FCRL2: variants seen among roughly 807,000 people sequenced by gnomAD.
FCRL2 encodes the protein Fc receptor like 2.
Under a neutral mutation model 59.8 loss-of-function variants are expected in FCRL2, and 48 were observed. That is an observed-to-expected ratio of 0.80 (90% CI 0.64 to 1.02). The LOEUF is 1.02. Ranked by LOEUF, FCRL2 falls within the 50% of genes least tolerant of loss-of-function variation. FCRL2 has a pLI of 0.00. For synonymous variants in FCRL2, 251 were observed against 229.5 expected, an observed-to-expected ratio of 1.09 and a Z score of -0.85; for missense variants, 658 against 597.3, an observed-to-expected ratio of 1.10 and a Z score of -1.06.
Position 157,768,650 on chromosome 1 carries a change from A to T in FCRL2, c.647T>A (p.Val216Glu). 2 of 1,613,992 alleles carry T rather than the reference A, an allele frequency of 1.2e-6. No homozygotes were observed. Among genetic ancestry groups the T allele is most frequent in the Non-Finnish European group, 1.7e-6 (2 of 1,179,970 alleles). The change falls in exon 5 of 12, where the codon GTG (valine) becomes GAG (glutamate). Residue 216 changes from valine (V) to glutamate (E), a missense_variant. Val to Glu is a moderately radical substitution (Grantham distance 121, BLOSUM62 -2). Transcript: ENST00000361516. ...SLEIRAPGGQ[V>E]TEGQKLILLC... ...CAGGATCAGTTTTTGTCCTTCAGTC[A>T]CCTGTCCCCCGGGGGCCCGGATCTC...
chr1:157,766,369 G>A (rs921495259), intron 7 of FCRL2, among the ~76,000 whole-genome samples: 3 of 152,060 alleles, frequency 2.0e-5, no homozygotes, highest in African/African-American at 7.2e-5. Flanking sequence ...TACTCGGGAG[G>A]TTGAGGCAGG....
Position 157,748,603 on chromosome 1 carries a change from A to C in FCRL2, c.1409T>G (p.Val470Gly). The change falls in exon 10 of 12, where the codon GTG becomes GGG. Residue 470 changes from valine to glycine, a missense_variant. Coordinates refer to ENST00000361516, the MANE Select transcript of FCRL2 (RefSeq NM_030764.4). The stretch of plus-strand genomic sequence containing the variant: ...CCAGACCTGAGAATAAACCACATCC[A>C]CATCTACAGAGCCCACTGCAGGGAG... ...PVYVNVGSVDVDVVYSQVWSM... is the reference protein window; with the variant it reads ...PVYVNVGSVDGDVVYSQVWSM... The C allele has an allele frequency of 6.2e-7, 1 of 1,613,936 alleles. No individual in the cohort carries two copies. The highest frequency in any genetic ancestry group is 8.5e-7 in the Non-Finnish European group (1 of 1,179,836).
intron 6 of FCRL2, 63 bp from the exon 7 acceptor site, chr1:157,767,034 C>T (rs905042257): frequency 2.1e-6 from 3 of 1,439,654 alleles, no homozygotes; most frequent in East Asian, 2.3e-5. Context: ...CTTATAAATG[C>T]TATATAGGGA....
intron 7 of FCRL2, among the ~76,000 whole-genome samples, chr1:157,763,700 G>T (rs1167738856): frequency 6.6e-6 from 1 of 151,954 alleles, no homozygotes; most frequent in African/African-American, 2.4e-5. Flanking sequence ...CCAAAAATGA[G>T]CAGTAGCTAT....
At chr1:157,761,007 G>A (rs1649062842) in intron 7 of FCRL2, among the ~76,000 whole-genome samples, 1 of 152,198 alleles carries the variant, frequency 6.6e-6, no homozygotes, top group Non-Finnish European at 1.5e-5. Context: ...CTATGTGGAA[G>A]AAAATTAATG....
intron 7 of FCRL2, among the ~76,000 whole-genome samples, chr1:157,758,983 G>C (rs902598214): frequency 1.3e-5 from 2 of 152,154 alleles, no homozygotes; most frequent in Non-Finnish European, 2.9e-5. Flanking sequence ...ATTTGATATG[G>C]TTGGGCTGTG....
chr1:157,765,138 T>C (rs1571279196), intron 7 of FCRL2, among the ~76,000 whole-genome samples: 1 of 152,228 alleles, frequency 6.6e-6, no homozygotes, highest in East Asian at 1.9e-4. Context: ...ACATTGCAAC[T>C]GATATCAAAT....
Position 157,748,922 on chromosome 1 carries a change from G to T in FCRL2, c.1346C>A (p.Ser449Ter). ...SRPNPQEFTY[S>*]SPTPDMEELQ... The stretch of plus-strand genomic sequence containing the variant: ...CTCCTCCATGTCTGGGGTTGGGCTT[G>T]AATAGGTGAACTCTTGAGGATTTGG... The change falls in exon 9 of 12, where the codon TCA (serine) becomes TAA (stop). Residue 449 changes from serine (S) to a stop codon, truncating the protein, a stop_gained. Transcript: ENST00000361516. LOFTEE classifies it high-confidence loss of function. The T allele has an allele frequency of 6.2e-7, 1 of 1,613,968 alleles. No individual in the cohort carries two copies. Among genetic ancestry groups the T allele is most frequent in the Non-Finnish European group, 8.5e-7 (1 of 1,179,946 alleles).
chr1:157,767,550 C>T, intron 5 of FCRL2, 41 bp from the exon 6 acceptor site: 1 of 1,614,238 alleles, frequency 6.2e-7, no homozygotes, highest in Non-Finnish European at 8.5e-7. Flanking sequence ...ATTTGTGATG[C>T]CTCAATAGAT....
chr1:157,756,212 A>G (rs549209543), intron 7 of FCRL2, among the ~76,000 whole-genome samples: 1 of 152,364 alleles, frequency 6.6e-6, no homozygotes, highest in East Asian at 1.9e-4. Context: ...TTAATGATTT[A>G]GGGTATGGCT....
chr1:157,748,982 G>A (rs368182520), intron 8 of FCRL2, 22 bp from the exon 9 acceptor site: 59 of 1,600,624 alleles, frequency 3.7e-5, no homozygotes, highest in Non-Finnish European at 4.7e-5. Flanking sequence ...TGAATTAATT[G>A]TATGATAATC....
chr1:157,767,851 G>C, intron 5 of FCRL2: 1 of 624,442 alleles, frequency 1.6e-6, no homozygotes, highest in African/African-American at 1.9e-5. Flanking sequence ...TATTATAGTT[G>C]TTCCTGGGAA....
intron 2 of FCRL2, among the ~76,000 whole-genome samples, chr1:157,771,649 C>G (rs1315974068): frequency 6.6e-6 from 1 of 152,170 alleles, no homozygotes; most frequent in Non-Finnish European, 1.5e-5. Context: ...TTAGATTGGT[C>G]ACAGGTTCTC....
At chr1:157,775,514 C>T (rs1447472910) in intron 2 of FCRL2, among the ~76,000 whole-genome samples, 1 of 152,202 alleles carries the variant, frequency 6.6e-6, no homozygotes, top group African/African-American at 2.4e-5. Context: ...CTTCAATCTG[C>T]ATGTTATTGC....
intron 7 of FCRL2, among the ~76,000 whole-genome samples, chr1:157,763,154 C>A (rs576618607): frequency 6.6e-6 from 1 of 152,262 alleles, no homozygotes; most frequent in East Asian, 1.9e-4. Context: ...AACTAGACAA[C>A]AATTAACAAT....
In FCRL2 at chr1:157,767,214, A is replaced by G. The variant is rs757171185; in HGVS notation, c.1162+17T>C. ...GCCATTGACATCAAACTCTGTATCC[A>G]GGTAACACCCACCCACCTGAGATGG... On this transcript the variant is annotated intron_variant, in intron 6 of 11. Coordinates refer to ENST00000361516, the MANE Select transcript of FCRL2 (RefSeq NM_030764.4). 7 of 1,602,146 alleles carry G rather than the reference A, an allele frequency of 4.4e-6. No individual in the cohort carries two copies. In the Admixed American group the frequency reaches 1.2e-4, roughly 27 times the overall value.
chr1:157,746,948 C>A (rs745905574), intron 10 of FCRL2, 49 bp from the exon 11 acceptor site: 8 of 1,592,118 alleles, frequency 5.0e-6, no homozygotes, highest in South Asian at 1.1e-5. Context: ...CTTAATTAGG[C>A]CTCACTCCCA....
intron 7 of FCRL2, among the ~76,000 whole-genome samples, chr1:157,758,958 C>T (rs778664313): frequency 6.6e-6 from 1 of 152,126 alleles, no homozygotes; most frequent in Non-Finnish European, 1.5e-5. Context: ...AAATGTAAAA[C>T]CTAAAACTAT....
chr1:157,760,704 A>T, intron 7 of FCRL2, among the ~76,000 whole-genome samples: 1 of 89,012 alleles, frequency 1.1e-5, no homozygotes, highest in Non-Finnish European at 2.3e-5. Context: ...AGAAGGAAAG[A>T]AAGAAAGAAA....
Sources: gnomAD v4.1 joint callset for allele counts (sites outside exome capture counted in the v4.1 genomes callset) on GRCh38, gnomAD v4.1.1 for gene constraint, MANE v1.5 for transcripts, NCBI Gene and HGNC (gene_info 2026-07-23, HGNC 2026-07-21) for gene names.